UNC5C: variants seen among roughly 807,000 people sequenced by gnomAD.
UNC5C encodes the protein unc-5 netrin receptor C, also known as netrin receptor UNC5C.
Under a neutral mutation model 99.8 loss-of-function variants are expected in UNC5C, and 47 were observed. That is an observed-to-expected ratio of 0.47 (90% CI 0.37 to 0.60). The LOEUF is 0.60. Ranked by LOEUF, UNC5C falls within the 20% of genes least tolerant of loss-of-function variation. The pLI, the probability that UNC5C is intolerant of heterozygous loss-of-function variation, is 0.00. For synonymous variants in UNC5C, 487 were observed against 452.2 expected (o/e 1.08, Z -0.98); for missense variants, 1,062 against 1,165.9 (o/e 0.91, Z 1.30).
At chr4:95,317,815 G>A (rs972791003) in intron 2 of UNC5C, among the ~76,000 whole-genome samples, 2 of 152,144 alleles carry the variant, frequency 1.3e-5, no homozygotes, top group East Asian at 1.9e-4. Context: ...AGGTAAGTAA[G>A]TGCCTTTACT....
chr4:95,436,293 A>AT (rs1746790684), intron 1 of UNC5C, among the ~76,000 whole-genome samples: 1 of 151,988 alleles, frequency 6.6e-6, no homozygotes, highest in African/African-American at 2.4e-5. Context: ...CCCCTCTATT[A>AT]AATAATATAT....
chr4:95,347,284 T>G lies in UNC5C; in HGVS notation c.125-11653A>C, dbSNP rs191550591. On this transcript the variant is annotated intron_variant, in intron 1 of 15. Coordinates refer to ENST00000453304, the MANE Select transcript of UNC5C (RefSeq NM_003728.4). Reference sequence around the variant, plus strand: ...GAGGACACACAAAAATGGAAAGATATTCCATGTTCGTGGGCTGGAAGAACC... The same window carrying G: ...GAGGACACACAAAAATGGAAAGATAGTCCATGTTCGTGGGCTGGAAGAACC... 5.3e-5 allele frequency among the ~76,000 whole-genome samples: 8 copies of G among 152,190 alleles called. No individual in the cohort carries two copies. In the East Asian group the frequency reaches 1.5e-3, roughly 29 times the overall value.
Position 95,548,827 on chromosome 4 carries a change from G to C in UNC5C, c.31C>G (p.Arg11Gly). 1.2e-6 allele frequency: 2 copies of C among 1,613,396 alleles called. No homozygotes were observed. The highest frequency in any genetic ancestry group is 1.7e-6 in the Non-Finnish European group (2 of 1,179,958). MRKGLRATAARCGLGLGYLLQ... is the reference protein window; with the variant it reads MRKGLRATAAGCGLGLGYLLQ... ...AAGTATCCCAGTCCCAGTCCGCAGC[G>C]GGCCGCTGTCGCCCGCAGACCTTTC... Residue 11 changes from arginine to glycine, a missense_variant, in exon 1 of 16, where the codon CGC becomes GGC. By Grantham distance (125) the Arg-to-Gly change is moderately radical (BLOSUM62 -2). Transcript: ENST00000453304.
chr4:95,164,289 T>C lies in UNC5C; in HGVS notation c.*4945A>G, dbSNP rs1735782021. On this transcript the variant is annotated 3_prime_UTR_variant, in exon 16 of 16. Transcript: ENST00000453304. ...TTCCTGGCCTGTATGGATATGGGTT[T>C]ACATAACATTGGTTACAATATATTT... is the stretch of plus-strand genomic sequence containing the variant. 2 of 152,246 alleles carry C rather than the reference T, an allele frequency of 1.3e-5. No individual in the cohort carries two copies. The highest frequency in any genetic ancestry group is 4.1e-4 in the South Asian group (2 of 4,834). 9.4% of individuals were successfully genotyped at this position (152,246 alleles called of 1,614,324 possible).
intron 1 of UNC5C, among the ~76,000 whole-genome samples, chr4:95,414,311 T>C (rs1264663666): frequency 2.0e-5 from 3 of 151,480 alleles, no homozygotes; most frequent in Non-Finnish European, 4.4e-5. Context: ...GACGAAGAAA[T>C]TAAGCAAGGG....
In UNC5C at chr4:95,193,509, G is replaced by T. The variant is rs75653018; in HGVS notation, c.2137-8313C>A. On this transcript the variant is annotated intron_variant, in intron 12 of 15. Transcript: ENST00000453304. ...ACTCATATGAAACTTCAAAAGGCCA[G>T]CCCTCAATGACTGTGCTGGCTGGTG... 6.2e-4 allele frequency among the ~76,000 whole-genome samples: 94 copies of T among 152,276 alleles called. No individual in the cohort carries two copies. The East Asian group carries it at 0.014, about 23-fold the overall frequency.
At chr4:95,326,531 T>C (rs1742889997) in intron 2 of UNC5C, among the ~76,000 whole-genome samples, 1 of 152,198 alleles carries the variant, frequency 6.6e-6, no homozygotes. Context: ...TATGTATTAC[T>C]ATATTACCAA....
intron 1 of UNC5C, among the ~76,000 whole-genome samples, chr4:95,521,212 T>C: frequency 2.2e-5 from 1 of 46,060 alleles, no homozygotes; most frequent in Non-Finnish European, 4.6e-5. Context: ...TTTTTTTTCT[T>C]TTTTCTTTTT....
chr4:95,395,725 A>T (rs1188652708), intron 1 of UNC5C, among the ~76,000 whole-genome samples: 1 of 152,164 alleles, frequency 6.6e-6, no homozygotes, highest in Non-Finnish European at 1.5e-5. Context: ...TATCACAAAG[A>T]TCCACTATTT....
chr4:95,414,011 T>C (rs1224430283), intron 1 of UNC5C, among the ~76,000 whole-genome samples: 1 of 152,204 alleles, frequency 6.6e-6, no homozygotes, highest in Non-Finnish European at 1.5e-5. Flanking sequence ...TCTTATTAAA[T>C]AGTGGAGGCA....
At chr4:95,478,782 T>C (rs73838881) in intron 1 of UNC5C, among the ~76,000 whole-genome samples, 4 of 152,038 alleles carry the variant, frequency 2.6e-5, no homozygotes, top group South Asian at 2.1e-4. Context: ...ATATGAAAAT[T>C]TGATCCCCAG....
intron 2 of UNC5C, among the ~76,000 whole-genome samples, chr4:95,332,792 A>G (rs1180266210): frequency 2.0e-5 from 3 of 151,448 alleles, no homozygotes; most frequent in African/African-American, 4.8e-5. Context: ...GCAACCTACA[A>G]AATGGGAGAA....
intron 1 of UNC5C, among the ~76,000 whole-genome samples, chr4:95,471,184 GA>G (rs1030244269): frequency 2.6e-5 from 4 of 152,008 alleles, no homozygotes; most frequent in Non-Finnish European, 5.9e-5. Context: ...ATTAAAAGTA[GA>G]AAAAATGATT....
intron 1 of UNC5C, among the ~76,000 whole-genome samples, chr4:95,449,679 C>T (rs901354427): frequency 2.2e-4 from 34 of 152,124 alleles, no homozygotes; most frequent in African/African-American, 7.2e-4. Flanking sequence ...AATTCTGCAA[C>T]GTTTCAAACT....
intron 1 of UNC5C, among the ~76,000 whole-genome samples, chr4:95,425,730 T>G (rs1746463494): frequency 6.6e-6 from 1 of 152,228 alleles, no homozygotes; most frequent in Non-Finnish European, 1.5e-5. Context: ...AGAAATTGAT[T>G]AAAAATGATT....
intron 1 of UNC5C, among the ~76,000 whole-genome samples, chr4:95,405,786 C>T (rs541962889): frequency 1.3e-5 from 2 of 152,242 alleles, no homozygotes; most frequent in East Asian, 3.9e-4. Flanking sequence ...GTGTGTGCAC[C>T]AGGCTCACAA....
At chr4:95,215,710 G>A (rs1365430312) in intron 10 of UNC5C, among the ~76,000 whole-genome samples, 1 of 152,168 alleles carries the variant, frequency 6.6e-6, no homozygotes, top group Admixed American at 6.5e-5. Context: ...GGCTGAGTGG[G>A]AGCGGTAGGG....
chr4:95,474,358 T>G (rs1014857485), intron 1 of UNC5C, among the ~76,000 whole-genome samples: 2 of 152,150 alleles, frequency 1.3e-5, no homozygotes, highest in Admixed American at 6.5e-5. Context: ...TGGTGCAATC[T>G]CTGCTCACTG....
intron 1 of UNC5C, among the ~76,000 whole-genome samples, chr4:95,348,532 G>A (rs1301780471): frequency 6.6e-6 from 1 of 150,882 alleles, no homozygotes; most frequent in Non-Finnish European, 1.5e-5. Flanking sequence ...CAGATGAACG[G>A]ATAAAGAAAA....
Sources: gnomAD v4.1 joint callset for allele counts (sites outside exome capture counted in the v4.1 genomes callset) on GRCh38, gnomAD v4.1.1 for gene constraint, MANE v1.5 for transcripts, NCBI Gene and HGNC (gene_info 2026-07-23, HGNC 2026-07-21) for gene names.